The following COL21A1 variants were observed in gnomAD, a reference collection of about 807,000 sequenced individuals.
The protein encoded by COL21A1 is collagen type XXI alpha 1 chain.
In COL21A1, 149 loss-of-function variants were observed where a neutral mutation model predicts 137.9. The observed-to-expected ratio is 1.08, with a 90% CI of 0.95 to 1.24. The LOEUF (loss-of-function observed/expected upper bound fraction) is 1.24, where lower values mean the gene tolerates loss of function less well. Ranked by LOEUF, COL21A1 falls within the 50% of genes most tolerant of loss-of-function variation. The probability of loss-of-function intolerance (pLI) is 0.00; values close to 1 mark genes in which losing one functional copy is unlikely to be tolerated. For synonymous variants in COL21A1, 456 were observed against 391.5 expected, an observed-to-expected ratio of 1.16 and a Z score of -1.95; for missense variants, 1,167 against 1,158.4, an observed-to-expected ratio of 1.01 and a Z score of -0.11.
chr6:56,242,696 G>GA (rs1448530962), intron 1 of COL21A1, among the ~76,000 whole-genome samples: 1 of 152,046 alleles, frequency 6.6e-6, no homozygotes, highest in African/African-American at 2.4e-5. Flanking sequence ...ACAACAAGGA[G>GA]AAAAAATTAT....
intron 29 of COL21A1, among the ~76,000 whole-genome samples, chr6:56,058,070 C>G (rs1406818873): frequency 6.6e-6 from 1 of 150,912 alleles, no homozygotes. Flanking sequence ...CTAGGCTAAG[C>G]ATATTAACAT....
rs554169820 is a variant in COL21A1 at position 56,122,727 on chromosome 6, C to T, written c.1758+1335G>A. On this transcript the variant is annotated intron_variant, in intron 16 of 29. Coordinates refer to ENST00000244728, the MANE Select transcript of COL21A1 (RefSeq NM_030820.4). ...ACCCAGATTAAGACTAAAAAGGAAT[C>T]TTAAAGCTGTGTTCAAATCAGGAAA... Among the ~76,000 whole-genome samples the T allele has an allele frequency of 2.0e-5, 3 of 152,270 alleles. 1 individual carries two copies. The South Asian group carries it at 6.2e-4, about 32-fold the overall frequency.
chr6:56,227,168 A>G (rs1432299530), intron 1 of COL21A1, among the ~76,000 whole-genome samples: 4 of 152,030 alleles, frequency 2.6e-5, no homozygotes, highest in Non-Finnish European at 4.4e-5. Context: ...GCAGCTGCAC[A>G]TTCAATGTAC....
At chr6:56,106,276 C>T (rs1051229983) in intron 16 of COL21A1, among the ~76,000 whole-genome samples, 1 of 152,192 alleles carries the variant, frequency 6.6e-6, no homozygotes, top group African/African-American at 2.4e-5. Context: ...CCATCCATTC[C>T]TTTTATTTTA....
At chr6:56,296,336 C>A (rs1245626710) in intron 1 of COL21A1, among the ~76,000 whole-genome samples, 1 of 151,930 alleles carries the variant, frequency 6.6e-6, no homozygotes, top group African/African-American at 2.4e-5. Flanking sequence ...GGGCATTTTC[C>A]AGTCTTCAGT....
chr6:56,383,864 T>C (rs757818217), intron 1 of COL21A1, among the ~76,000 whole-genome samples: 3 of 152,226 alleles, frequency 2.0e-5, no homozygotes, highest in Non-Finnish European at 4.4e-5. Flanking sequence ...AGAAGAGATA[T>C]TTGAGGGTGA....
intron 1 of COL21A1, among the ~76,000 whole-genome samples, chr6:56,358,395 C>A (rs191622063): frequency 1.3e-5 from 2 of 151,868 alleles, no homozygotes; most frequent in Non-Finnish European, 2.9e-5. Flanking sequence ...ACAATTTGAA[C>A]ATAAATGTCC....
intron 5 of COL21A1, 142 bp from the exon 6 acceptor site, chr6:56,168,439 G>GGATCAGGGTGAATTA: frequency 3.7e-6 from 2 of 537,798 alleles, no homozygotes; most frequent in Non-Finnish European, 5.8e-6. Flanking sequence ...AATTCACCCT[G>GGATCAGGGTGAATTA]ATCCAAGGTG....
chr6:56,139,955 T>C (rs1018049726), intron 12 of COL21A1, among the ~76,000 whole-genome samples: 8 of 152,130 alleles, frequency 5.3e-5, no homozygotes, highest in Non-Finnish European at 1.2e-4. Flanking sequence ...ATTTTATTTC[T>C]TAAGCCCAGA....
chr6:56,183,189 A>G (rs899972745), intron 1 of COL21A1, among the ~76,000 whole-genome samples: 1 of 152,214 alleles, frequency 6.6e-6, no homozygotes, highest in Non-Finnish European at 1.5e-5. Flanking sequence ...AATAAGTCCA[A>G]GAACTTCATT....
chr6:56,368,620 A>T (rs898793824), intron 1 of COL21A1, among the ~76,000 whole-genome samples: 4 of 151,924 alleles, frequency 2.6e-5, no homozygotes, highest in Non-Finnish European at 5.9e-5. Flanking sequence ...TCTTCTCCTC[A>T]CCCCCCTTAA....
intron 1 of COL21A1, among the ~76,000 whole-genome samples, chr6:56,374,779 T>TC (rs1474140197): frequency 2.0e-5 from 3 of 152,096 alleles, no homozygotes; most frequent in Non-Finnish European, 4.4e-5. Flanking sequence ...CTTGGAATGT[T>TC]TGTAAAAAAG....
At chr6:56,219,860 T>C (rs1427904101) in intron 1 of COL21A1, among the ~76,000 whole-genome samples, 1 of 152,162 alleles carries the variant, frequency 6.6e-6, no homozygotes, top group Non-Finnish European at 1.5e-5. Flanking sequence ...CCTGATTTAC[T>C]GAATACCTCT....
chr6:56,156,684 C>T (rs993011045), intron 10 of COL21A1, among the ~76,000 whole-genome samples: 7 of 152,182 alleles, frequency 4.6e-5, no homozygotes, highest in African/African-American at 1.7e-4. Context: ...ATCTAAAGTC[C>T]TCTACTACTT....
At chr6:56,165,917 C>CACACACAT (rs1554149588) in intron 7 of COL21A1, among the ~76,000 whole-genome samples, 15 of 146,546 alleles carry the variant, frequency 1.0e-4, no homozygotes, top group Middle Eastern at 3.5e-3. Context: ...TACACACACA[C>CACACACAT]ACACACACAC....
At position 56,068,481 on chromosome 6, in the gene COL21A1, TGAGA is replaced by T. The variant is rs954627403; in HGVS notation, c.2091+561_2091+564del. On this transcript the variant is annotated intron_variant, in intron 22 of 29. Coordinates refer to ENST00000244728, the MANE Select transcript of COL21A1 (RefSeq NM_030820.4). ...TCAAGTTTCCCTTACTTGACCAAAATGAGAGAGAGAGAACCTAGTTTTACTGTCT... is the reference window on the plus strand; with the variant it reads ...TCAAGTTTCCCTTACTTGACCAAAATGAGAGAGAACCTAGTTTTACTGTCT... Among the ~76,000 whole-genome samples, 43 of 151,564 alleles carry T rather than the reference TGAGA, an allele frequency of 2.8e-4. No individual in the cohort carries two copies. In the East Asian group the frequency reaches 3.1e-3, roughly 11 times the overall value.
At chr6:56,384,043 T>C (rs1286868893) in intron 1 of COL21A1, among the ~76,000 whole-genome samples, 2 of 152,154 alleles carry the variant, frequency 1.3e-5, no homozygotes, top group Admixed American at 6.5e-5. Context: ...TCGCACTAAT[T>C]TGTGGTGCAT....
At chr6:56,212,358 A>C (rs1780223875) in intron 1 of COL21A1, among the ~76,000 whole-genome samples, 1 of 152,034 alleles carries the variant, frequency 6.6e-6, no homozygotes, top group African/African-American at 2.4e-5. Context: ...CACCAAAAGA[A>C]TATTATTCTT....
At chr6:56,234,337 T>C (rs17223058) in intron 1 of COL21A1, among the ~76,000 whole-genome samples, 10,351 of 151,776 alleles carry the variant, frequency 0.068, 419 homozygotes, top group South Asian at 0.12. Context: ...AAATATAGTA[T>C]GAAAAATAGA....
Sources: gnomAD v4.1 joint callset for allele counts (sites outside exome capture counted in the v4.1 genomes callset) on GRCh38, gnomAD v4.1.1 for gene constraint, MANE v1.5 for transcripts, NCBI Gene and HGNC (gene_info 2026-07-23, HGNC 2026-07-21) for gene names.